Variants in C12orf42 observed in about 807,000 individuals in gnomAD.
C12orf42 encodes the protein uncharacterized protein C12orf42.
Under a neutral mutation model 21.6 loss-of-function variants are expected in C12orf42, and 25 were observed. That is an observed-to-expected ratio of 1.16 (90% CI 0.84 to 1.62). C12orf42 has a LOEUF of 1.62. Ranked by LOEUF, C12orf42 falls within the 40% of genes most tolerant of loss-of-function variation. The pLI is 0.00. For missense variants in C12orf42, 483 were observed against 459.3 expected (o/e 1.05, Z -0.47); for synonymous variants, 174 against 175.0 (o/e 0.99, Z 0.05).
At chr12:103,352,597 C>T (rs1331471109) in intron 4 of C12orf42, among the ~76,000 whole-genome samples, 1 of 151,898 alleles carries the variant, frequency 6.6e-6, no homozygotes, top group Admixed American at 6.6e-5. Flanking sequence ...CTTTAAAGTC[C>T]CCGTGCACTA....
the C12orf42 span, among the ~76,000 whole-genome samples, chr12:103,224,733 G>A: frequency 1.3e-5 from 2 of 152,050 alleles, no homozygotes; most frequent in Non-Finnish European, 2.9e-5. Flanking sequence ...GATTTTGAGG[G>A]CCCCTAAAAG....
intron 4 of C12orf42, among the ~76,000 whole-genome samples, chr12:103,295,506 G>T (rs1317104086): frequency 1.3e-5 from 2 of 151,942 alleles, no homozygotes; most frequent in Non-Finnish European, 2.9e-5. Context: ...TGGCCAAATT[G>T]TATGTCTCCC....
intron 4 of C12orf42, among the ~76,000 whole-genome samples, chr12:103,367,514 G>A (rs11111539): frequency 0.31 from 47,687 of 151,556 alleles, 8,017 homozygotes; most frequent in African/African-American, 0.43. Context: ...ATGCACTGAC[G>A]TGGGAAGAGC....
At chr12:103,129,326 G>T in the C12orf42 span, among the ~76,000 whole-genome samples, 1 of 152,170 alleles carries the variant, frequency 6.6e-6, no homozygotes, top group East Asian at 1.9e-4. Context: ...AGCGTGTTAT[G>T]CTACATGGAA....
At chr12:103,115,994 AG>A in the C12orf42 span, among the ~76,000 whole-genome samples, 1 of 152,212 alleles carries the variant, frequency 6.6e-6, no homozygotes, top group Non-Finnish European at 1.5e-5. Flanking sequence ...ACCTCTGATA[AG>A]GAGAGTCAAA....
chr12:103,369,506 T>C (rs777341130), intron 3 of C12orf42, among the ~76,000 whole-genome samples: 1 of 151,720 alleles, frequency 6.6e-6, no homozygotes, highest in Non-Finnish European at 1.5e-5. Flanking sequence ...AGTAGCCATG[T>C]GAGATCTTGG....
chr12:103,292,981 T>A (rs2036919885), intron 4 of C12orf42, among the ~76,000 whole-genome samples: 1 of 152,034 alleles, frequency 6.6e-6, no homozygotes, highest in Non-Finnish European at 1.5e-5. Flanking sequence ...CCACTCACTC[T>A]GAAAAACACC....
the C12orf42 span, among the ~76,000 whole-genome samples, chr12:103,203,468 G>A: frequency 4.6e-5 from 7 of 152,270 alleles, no homozygotes; most frequent in East Asian, 1.3e-3. Flanking sequence ...TCAAAACTTG[G>A]AGACTTGAGG....
intron 3 of C12orf42, among the ~76,000 whole-genome samples, chr12:103,386,076 A>G (rs1387588145): frequency 1.3e-5 from 2 of 152,230 alleles, no homozygotes; most frequent in Non-Finnish European, 2.9e-5. Flanking sequence ...CAACAACCGT[A>G]TTAGGTTGGT....
Position 103,332,893 on chromosome 12 carries a change from G to T in C12orf42, c.260-26548C>A, listed in dbSNP as rs192494190. Among the ~76,000 whole-genome samples, 529 of 152,322 alleles carry T rather than the reference G, an allele frequency of 3.5e-3. 3 individuals carry two copies. Among genetic ancestry groups the T allele is most frequent in the African/African-American group, 0.012 (495 of 41,572 alleles). ...AAAGTTTGCTGACCCTGGATTAGCA[G>T]GTCTGCCCCTCTGTTTTGAGAATCA... On this transcript the variant is annotated intron_variant, in intron 4 of 5. Transcript: ENST00000548883.
the C12orf42 span, among the ~76,000 whole-genome samples, chr12:103,175,131 T>C: frequency 2.6e-5 from 4 of 152,196 alleles, no homozygotes; most frequent in Non-Finnish European, 5.9e-5. Flanking sequence ...ATTACCCTAA[T>C]AGGTAATCAA....
At chr12:103,497,952 T>A (rs553063407), upstream of C12orf42, among the ~76,000 whole-genome samples, 7 of 152,200 alleles carry the variant, frequency 4.6e-5, no homozygotes, top group East Asian at 1.4e-3. Context: ...GGAGAATCGC[T>A]TGAACCTGTG....
chr12:103,093,860 C>T, the C12orf42 span, among the ~76,000 whole-genome samples: 11 of 152,172 alleles, frequency 7.2e-5, no homozygotes, highest in African/African-American at 2.4e-4. Context: ...TGTCCTAAGT[C>T]CTAAGACTTT....
At chr12:103,259,014 G>A (rs1197577179) in intron 10 of C12orf42, among the ~76,000 whole-genome samples, 2 of 152,174 alleles carry the variant, frequency 1.3e-5, no homozygotes, top group Admixed American at 1.3e-4. Context: ...TGGTGTTCTT[G>A]CCCTACAAGA....
chr12:103,161,177 G>GGA, the C12orf42 span, among the ~76,000 whole-genome samples: 1 of 152,120 alleles, frequency 6.6e-6, no homozygotes, highest in Non-Finnish European at 1.5e-5. Context: ...AGTTTCTCTT[G>GGA]GAGATACCCA....
chr12:103,243,332 A>G (rs998185682), intron 10 of C12orf42, among the ~76,000 whole-genome samples: 1 of 152,050 alleles, frequency 6.6e-6, no homozygotes, highest in Non-Finnish European at 1.5e-5. Context: ...TGGCCAGAAA[A>G]TATTATTATA....
At chr12:103,511,863 T>G in the C12orf42 span, among the ~76,000 whole-genome samples, 8 of 152,202 alleles carry the variant, frequency 5.3e-5, no homozygotes, top group Admixed American at 2.0e-4. Context: ...CTTTTTTCTT[T>G]TTGGAAGTGT....
intron 2 of C12orf42, among the ~76,000 whole-genome samples, chr12:103,414,140 A>G (rs1254681151): frequency 6.6e-6 from 1 of 152,100 alleles, no homozygotes; most frequent in Non-Finnish European, 1.5e-5. Flanking sequence ...CATCCATACC[A>G]ATATCTATTT....
chr12:103,210,381 C>T, the C12orf42 span, among the ~76,000 whole-genome samples: 1 of 151,990 alleles, frequency 6.6e-6, no homozygotes, highest in South Asian at 2.1e-4. Flanking sequence ...CCAAACTCAC[C>T]ACTGAACTAT....
Sources: allele counts gnomAD v4.1 joint callset (sites outside exome capture counted in the v4.1 genomes callset), GRCh38; gene constraint gnomAD v4.1.1; transcripts MANE v1.5; gene names NCBI Gene and HGNC (gene_info 2026-07-23, HGNC 2026-07-21).